The following DPP10 variants were observed in gnomAD, a reference collection of about 807,000 sequenced individuals.
DPP10 encodes dipeptidyl peptidase like 10.
DPP10 carries 33 observed loss-of-function variants against 120.9 expected under a neutral mutation model. The observed-to-expected ratio is 0.27, with a 90% CI of 0.21 to 0.37. The LOEUF (loss-of-function observed/expected upper bound fraction) is 0.37, where lower values mean the gene tolerates loss of function less well. Among genes scored for constraint, DPP10 ranks in the 10% least tolerant of loss-of-function variants. DPP10 has a pLI of 1.00. For missense variants in DPP10, 816 were observed against 942.8 expected, an observed-to-expected ratio of 0.87 and a Z score of 1.76; for synonymous variants, 337 against 326.1, an observed-to-expected ratio of 1.03 and a Z score of -0.36.
At chr2:115,769,077 G>A (rs1681145495) in intron 13 of DPP10, among the ~76,000 whole-genome samples, 1 of 151,856 alleles carries the variant, frequency 6.6e-6, no homozygotes, top group African/African-American at 2.4e-5. Context: ...AATTTGACAA[G>A]GTTATTGAGT....
chr2:115,699,917 G>A (rs1398202644), intron 7 of DPP10, among the ~76,000 whole-genome samples: 8 of 152,084 alleles, frequency 5.3e-5, no homozygotes, highest in Admixed American at 2.6e-4. Context: ...TTCTCACATC[G>A]CTATAAAGAA....
chr2:115,264,684 A>T (rs1041773828), intron 1 of DPP10, among the ~76,000 whole-genome samples: 1 of 152,214 alleles, frequency 6.6e-6, no homozygotes, highest in Non-Finnish European at 1.5e-5. Context: ...CACATAACAA[A>T]TTCAAAATAT....
chr2:115,215,198 G>C (rs977905278), intron 1 of DPP10, among the ~76,000 whole-genome samples: 7 of 152,118 alleles, frequency 4.6e-5, no homozygotes, highest in African/African-American at 1.7e-4. Flanking sequence ...TGGTAAATAC[G>C]TTGTGCTTCC....
At chr2:114,497,650 T>G (rs1252606569) in intron 1 of DPP10, among the ~76,000 whole-genome samples, 1 of 152,154 alleles carries the variant, frequency 6.6e-6, no homozygotes, top group Non-Finnish European at 1.5e-5. Flanking sequence ...GTTAGAGAAG[T>G]GGGATAATTT....
At chr2:115,405,463 A>T (rs1323696002) in intron 3 of DPP10, among the ~76,000 whole-genome samples, 1 of 152,006 alleles carries the variant, frequency 6.6e-6, no homozygotes, top group Non-Finnish European at 1.5e-5. Context: ...CAGATTTCCT[A>T]GGCTGGTGTC....
At chr2:114,901,042 T>A (rs1186929918) in intron 1 of DPP10, among the ~76,000 whole-genome samples, 1 of 152,108 alleles carries the variant, frequency 6.6e-6, no homozygotes. Flanking sequence ...AAAACATGAA[T>A]TGTGCTAACA....
chr2:115,172,560 T>A (rs1294108783), intron 1 of DPP10, among the ~76,000 whole-genome samples: 3 of 152,198 alleles, frequency 2.0e-5, no homozygotes, highest in African/African-American at 4.8e-5. Flanking sequence ...CAGGGATTTC[T>A]ACTCATTTAA....
chr2:115,386,741 C>T (rs964086586), intron 3 of DPP10, among the ~76,000 whole-genome samples: 2 of 152,088 alleles, frequency 1.3e-5, no homozygotes, highest in Non-Finnish European at 2.9e-5. Context: ...AGAGGTTTTC[C>T]TTAAATATGC....
intron 1 of DPP10, among the ~76,000 whole-genome samples, chr2:114,646,379 A>C (rs58794640): frequency 0.11 from 16,180 of 152,022 alleles, 1,124 homozygotes; most frequent in African/African-American, 0.19. Flanking sequence ...ACAGGAGGCC[A>C]AAATGGTGGG....
At chr2:114,946,686 G>A (rs1697368966) in intron 1 of DPP10, among the ~76,000 whole-genome samples, 2 of 151,420 alleles carry the variant, frequency 1.3e-5, no homozygotes, top group Admixed American at 6.6e-5. Context: ...GATTTTTCTT[G>A]TTTATATTTC....
chr2:115,527,624 T>C (rs2078210584), intron 5 of DPP10, among the ~76,000 whole-genome samples: 1 of 152,012 alleles, frequency 6.6e-6, no homozygotes, highest in Admixed American at 6.6e-5. Context: ...TCAACATTCA[T>C]ATATAAAGAA....
chr2:115,351,219 A>C (rs2064010969), intron 3 of DPP10, among the ~76,000 whole-genome samples: 1 of 152,130 alleles, frequency 6.6e-6, no homozygotes, highest in Non-Finnish European at 1.5e-5. Flanking sequence ...TGTATTTTGC[A>C]GCAACATGGA....
chr2:115,370,585 A>G (rs2065343306), intron 3 of DPP10, among the ~76,000 whole-genome samples: 1 of 152,156 alleles, frequency 6.6e-6, no homozygotes. Flanking sequence ...CATGATGGTT[A>G]AAATGGAAGG....
chr2:115,443,604 A>T (rs1180037947), intron 3 of DPP10, among the ~76,000 whole-genome samples: 1 of 152,176 alleles, frequency 6.6e-6, no homozygotes, highest in Admixed American at 6.6e-5. Context: ...TTTATATCAA[A>T]GTAATTTAGG....
chr2:114,632,893 C>T, intron 1 of DPP10, among the ~76,000 whole-genome samples: 1 of 152,134 alleles, frequency 6.6e-6, no homozygotes, highest in Non-Finnish European at 1.5e-5. Flanking sequence ...CCAAATTTGA[C>T]AAGGAATGTT....
chr2:115,633,231 C>A (rs2086035231), intron 5 of DPP10, among the ~76,000 whole-genome samples: 1 of 152,166 alleles, frequency 6.6e-6, no homozygotes, highest in African/African-American at 2.4e-5. Flanking sequence ...CACATATACA[C>A]CATGGAATAC....
chr2:114,448,161 T>G (rs1397246608), intron 1 of DPP10, among the ~76,000 whole-genome samples: 1 of 152,204 alleles, frequency 6.6e-6, no homozygotes, highest in African/African-American at 2.4e-5. Context: ...CTTTACATTT[T>G]ATAGCTTAGA....
At chr2:115,378,292 G>A (rs1422375755) in intron 3 of DPP10, among the ~76,000 whole-genome samples, 1 of 148,662 alleles carries the variant, frequency 6.7e-6, no homozygotes, top group Non-Finnish European at 1.5e-5. Flanking sequence ...TGGATTCCTA[G>A]GTATTTTATT....
chr2:114,996,683 C>T (rs1574657513), intron 1 of DPP10, among the ~76,000 whole-genome samples: 3 of 152,236 alleles, frequency 2.0e-5, no homozygotes, highest in African/African-American at 7.2e-5. Context: ...ATTCACATTA[C>T]TTTAAAAATA....
Sources: gnomAD v4.1 joint callset for allele counts (sites outside exome capture counted in the v4.1 genomes callset) on GRCh38, gnomAD v4.1.1 for gene constraint, MANE v1.5 for transcripts, NCBI Gene and HGNC (gene_info 2026-07-23, HGNC 2026-07-21) for gene names.